TRPM7: variants seen among roughly 807,000 people sequenced by gnomAD.
TRPM7 encodes transient receptor potential cation channel subfamily M member 7, also known as LTRPC ion channel family member 7.
In TRPM7, 134 loss-of-function variants were observed where a neutral mutation model predicts 229.7. The observed-to-expected ratio is 0.58, with a 90% CI of 0.51 to 0.67. The LOEUF (loss-of-function observed/expected upper bound fraction) is 0.67. TRPM7 is among the 30% of genes least tolerant of loss of function. The probability of loss-of-function intolerance (pLI) is 0.00; values close to 1 mark genes in which losing one functional copy is unlikely to be tolerated. For synonymous variants in TRPM7, 699 were observed against 715.2 expected (o/e 0.98, Z 0.36); for missense variants, 1,901 against 2,210.0 (o/e 0.86, Z 2.80).
intron 1 of TRPM7, among the ~76,000 whole-genome samples, chr15:50,663,503 G>A (rs1056254851): frequency 3.9e-5 from 6 of 151,984 alleles, no homozygotes; most frequent in Non-Finnish European, 7.4e-5. Flanking sequence ...ACCCCAAAAC[G>A]TCAGAATAAT....
At chr15:50,672,983 T>C (rs2062023235) in intron 1 of TRPM7, among the ~76,000 whole-genome samples, 1 of 151,274 alleles carries the variant, frequency 6.6e-6, no homozygotes, top group South Asian at 2.1e-4. Context: ...ATGTGTTTTA[T>C]ACGAAGTGTT....
rs1312565022 is a variant in TRPM7 at position 50,679,541 on chromosome 15, T to A, written c.3+6990A>T. On this transcript the variant is annotated intron_variant, in intron 1 of 38. Coordinates refer to ENST00000646667, the MANE Select transcript of TRPM7 (RefSeq NM_017672.6). ...ATATATATATATATATATATATATTTTTTTTTTTTTTTGAGACAGAGTCTT... is the reference window on the plus strand; with the variant it reads ...ATATATATATATATATATATATATTATTTTTTTTTTTTGAGACAGAGTCTT... Among the ~76,000 whole-genome samples, 31 of 70,746 alleles carry A rather than the reference T, an allele frequency of 4.4e-4. 1 individual carries two copies. The South Asian group carries it at 7.5e-3, about 17-fold the overall frequency. 46.4% of individuals were successfully genotyped at this position (70,746 alleles called of 152,430 possible).
chr15:50,650,117 T>C (rs1374307225), intron 3 of TRPM7, among the ~76,000 whole-genome samples: 1 of 134,968 alleles, frequency 7.4e-6, no homozygotes, highest in East Asian at 2.2e-4. Flanking sequence ...CACTTGAACC[T>C]GGGAGGCGCA....
chr15:50,620,284 TAG>T (rs909887655), intron 12 of TRPM7, among the ~76,000 whole-genome samples: 14 of 150,794 alleles, frequency 9.3e-5, no homozygotes, highest in East Asian at 3.9e-4. Flanking sequence ...TCTTAAAACA[TAG>T]AGTTTTTTTT....
At chr15:50,610,584 A>G (rs926846653) in intron 17 of TRPM7, among the ~76,000 whole-genome samples, 1 of 152,154 alleles carries the variant, frequency 6.6e-6, no homozygotes. Flanking sequence ...CAAAGTTCAA[A>G]GCAGTATCTA....
At position 50,637,525 on chromosome 15, in the gene TRPM7, G is replaced by T. The variant is rs774931817; in HGVS notation, c.729C>A (p.Ser243=). 3 of 1,613,892 alleles carry T rather than the reference G, an allele frequency of 1.9e-6. No individual in the cohort carries two copies. Among genetic ancestry groups the T allele is most frequent in the Middle Eastern group, 1.6e-4 (1 of 6,082 alleles). ...TGCCATCATCCACCAATATGAAATGGGAATGCAGATTATTCAAAACATTCA... is the reference window on the plus strand; with the variant it reads ...TGCCATCATCCACCAATATGAAATGTGAATGCAGATTATTCAAAACATTCA... The part of the protein sequence containing the change: ...SKLNVLNNLH[S]HFILVDDGTV... Residue 243 remains serine (S), a synonymous_variant, in exon 7 of 39, where the codon TCC becomes TCA. Coordinates refer to ENST00000646667, the MANE Select transcript of TRPM7 (RefSeq NM_017672.6).
intron 1 of TRPM7, among the ~76,000 whole-genome samples, chr15:50,664,742 C>T (rs2061836859): frequency 6.6e-6 from 1 of 152,104 alleles, no homozygotes; most frequent in Non-Finnish European, 1.5e-5. Context: ...AGGAAGATGG[C>T]TTGAGTCTGT....
In TRPM7 at chr15:50,657,825, G is replaced by C. The variant is rs1567098373; in HGVS notation, c.84-6C>G. 4 of 1,607,772 alleles carry C rather than the reference G, an allele frequency of 2.5e-6. No individual in the cohort carries two copies. Among genetic ancestry groups the C allele is most frequent in the Admixed American group, 3.3e-5 (2 of 59,782 alleles). On this transcript the variant is annotated splice_region_variant and splice_polypyrimidine_tract_variant and intron_variant, in intron 2 of 38. Coordinates refer to ENST00000646667, the MANE Select transcript of TRPM7 (RefSeq NM_017672.6). ...TTTGACATCCTGGAAGGCATCTATT[G>C]AACACAAAAAGGTAAATAAATTATT...
chr15:50,613,046 T>C (rs1448778202), intron 15 of TRPM7, among the ~76,000 whole-genome samples: 1 of 152,196 alleles, frequency 6.6e-6, no homozygotes, highest in Non-Finnish European at 1.5e-5. Flanking sequence ...TTTCCAAAAT[T>C]TAAGGGCCTA....
rs2060013169 is a variant in TRPM7, at chr15:50,609,664, G to C, written c.2497C>G (p.Gln833Glu). 1.2e-6 allele frequency: 2 copies of C among 1,611,124 alleles called. No individual in the cohort carries two copies. The highest frequency in any genetic ancestry group is 1.7e-4 in the Middle Eastern group (1 of 6,032). The change falls in exon 19 of 39, where the codon CAA becomes GAA. Residue 833 changes from glutamine (Q) to glutamate (E), a missense_variant. Gln to Glu is a conservative substitution (Grantham distance 29). This residue lies in a region of TRPM7 where 207 missense variants were observed against 241.5 expected (regional missense o/e 0.86). Coordinates refer to ENST00000646667, the MANE Select transcript of TRPM7 (RefSeq NM_017672.6). Reference protein sequence around the residue: ...SNEGKNEMEIQMKSKKLPITR... With the variant: ...SNEGKNEMEIEMKSKKLPITR... ...ATTGGAAGCTTTTTTGATTTCATTT[G>C]TATCTCCATCTCATTCTTTCCTTCA...
intron 38 of TRPM7, among the ~76,000 whole-genome samples, chr15:50,568,811 CAAA>C (rs1255408922): frequency 1.4e-5 from 2 of 145,988 alleles, no homozygotes. Context: ...CCCATCTCTA[CAAA>C]AAAAAAACCA....
At position 50,624,263 on chromosome 15, in the gene TRPM7, A is replaced by T; in HGVS notation, c.1343T>A (p.Val448Glu). The change falls in exon 12 of 39, where the codon GTA becomes GAA. Residue 448 changes from valine (V) to glutamate (E), a missense_variant. Physicochemically the swap from Val to Glu is moderately radical, Grantham distance 121. This residue lies in a region of TRPM7 where 794 missense variants were observed against 881.9 expected (regional missense o/e 0.90). Transcript: ENST00000646667. ...TTTTACAAATGCAACTCTATCCATT[A>T]CAAGAGCATCAAGCATAGCTTGTTC... Reference protein sequence around the residue: ...SLEQAMLDALVMDRVAFVKLL... With the variant: ...SLEQAMLDALEMDRVAFVKLL... 6.2e-7 allele frequency: 1 copy of T among 1,612,146 alleles called. No individual in the cohort carries two copies. The highest frequency in any genetic ancestry group is 8.5e-7 in the Non-Finnish European group (1 of 1,179,084).
intron 1 of TRPM7, among the ~76,000 whole-genome samples, chr15:50,684,760 C>A (rs767304379): frequency 1.4e-4 from 21 of 152,140 alleles, no homozygotes; most frequent in Admixed American, 9.2e-4. Context: ...TGATGGGTTT[C>A]TTTCAACAAA....
intron 28 of TRPM7, among the ~76,000 whole-genome samples, chr15:50,584,370 C>G (rs2054581250): frequency 6.6e-6 from 1 of 152,038 alleles, no homozygotes; most frequent in Admixed American, 6.6e-5. Flanking sequence ...ACCAGAGAAC[C>G]TAGAGTGTTG....
At chr15:50,636,440 C>T (rs1158236652) in intron 7 of TRPM7, among the ~76,000 whole-genome samples, 2 of 152,198 alleles carry the variant, frequency 1.3e-5, no homozygotes, top group Admixed American at 1.3e-4. Context: ...ATCCACCCAC[C>T]TCGGCCTCCC....
At chr15:50,628,310 C>CA in intron 10 of TRPM7, 61 bp from the exon 11 acceptor site, 1 of 1,227,458 alleles carries the variant, frequency 8.1e-7, no homozygotes, top group Non-Finnish European at 1.2e-6. Flanking sequence ...AAAAGGTGAA[C>CA]ACTTTTTTTT....
chr15:50,562,949 T>C lies in TRPM7; in HGVS notation c.5468-1141A>G, dbSNP rs572644656. Among the ~76,000 whole-genome samples, 419 of 152,202 alleles carry C rather than the reference T, an allele frequency of 2.8e-3. 3 individuals carry two copies. The highest frequency in any genetic ancestry group is 9.8e-3 in the African/African-American group (407 of 41,524). ...AACTATCAAAGCTCTAGGAGGAGTG[T>C]TCTAGGCAGAGGGAGGGTTAACTGC... On this transcript the variant is annotated intron_variant, in intron 38 of 38. Transcript: ENST00000646667.
At chr15:50,578,445 C>A in intron 31 of TRPM7, 194 bp downstream of exon 31, 1 of 405,002 alleles carries the variant, frequency 2.5e-6, no homozygotes, top group Non-Finnish European at 4.4e-6. Flanking sequence ...AAGATATCAT[C>A]ATTCACAGGG....
chr15:50,657,899 C>T (rs995706231), intron 2 of TRPM7, 80 bp from the exon 3 acceptor site: 16 of 1,139,642 alleles, frequency 1.4e-5, no homozygotes, highest in Non-Finnish European at 1.7e-5. Context: ...ACATAAAATA[C>T]AAAACAAAAA....
Sources: gnomAD v4.1 joint callset for allele counts (sites outside exome capture counted in the v4.1 genomes callset) on GRCh38, gnomAD v4.1.1 for gene constraint, gnomAD v4.1.1 regional missense constraint, MANE v1.5 for transcripts, NCBI Gene and HGNC (gene_info 2026-07-23, HGNC 2026-07-21) for gene names.